The following NCOR1 variants were observed in gnomAD, a reference collection of about 807,000 sequenced individuals.
The protein encoded by NCOR1 is protein phosphatase 1, regulatory subunit 109.
Under a neutral mutation model 288.1 loss-of-function variants are expected in NCOR1, and 63 were observed. That is an observed-to-expected ratio of 0.22 (90% CI 0.18 to 0.27). The LOEUF (loss-of-function observed/expected upper bound fraction) is 0.27. NCOR1 is among the 10% of genes least tolerant of loss of function. The pLI is 1.00. For missense variants in NCOR1, 2,397 were observed against 3,019.2 expected (o/e 0.79, Z 4.83); for synonymous variants, 1,007 against 1,065.9 (o/e 0.94, Z 1.08).
intron 22 of NCOR1, among the ~76,000 whole-genome samples, chr17:16,088,788 G>T (rs192850111): frequency 6.6e-6 from 1 of 152,144 alleles, no homozygotes; most frequent in South Asian, 2.1e-4. Flanking sequence ...GTCTACCAGC[G>T]ATTTTTTTAA....
chr17:16,109,235 A>C (rs1056051190), intron 18 of NCOR1, among the ~76,000 whole-genome samples: 5 of 151,990 alleles, frequency 3.3e-5, no homozygotes, highest in African/African-American at 1.2e-4. Flanking sequence ...ATGTTATCTA[A>C]TAAAAACAAT....
chr17:16,141,336 G>A (rs1420777329), intron 11 of NCOR1, among the ~76,000 whole-genome samples: 1 of 152,116 alleles, frequency 6.6e-6, no homozygotes, highest in Non-Finnish European at 1.5e-5. Context: ...TTTGGGAAAG[G>A]AGAATATCAG....
intron 44 of NCOR1, among the ~76,000 whole-genome samples, chr17:16,037,757 G>A (rs1348199921): frequency 6.6e-6 from 1 of 152,160 alleles, no homozygotes; most frequent in Non-Finnish European, 1.5e-5. Flanking sequence ...AGCAAGTTTT[G>A]GTAGCCCTTT....
intron 26 of NCOR1, among the ~76,000 whole-genome samples, chr17:16,077,265 C>T (rs1348953927): frequency 4.5e-5 from 6 of 132,496 alleles, no homozygotes; most frequent in East Asian, 2.0e-4. Context: ...GGCACGGCTG[C>T]GCACACCTGT....
At chr17:16,039,773 A>C in intron 43 of NCOR1, 119 bp from the exon 44 acceptor site, 1 of 833,608 alleles carries the variant, frequency 1.2e-6, no homozygotes, top group Non-Finnish European at 1.9e-6. Context: ...CTAGAACAAT[A>C]CCAGGACCCA....
At chr17:16,120,372 A>G (rs929828800) in intron 16 of NCOR1, among the ~76,000 whole-genome samples, 1 of 152,036 alleles carries the variant, frequency 6.6e-6, no homozygotes, top group African/African-American at 2.4e-5. Flanking sequence ...TACATTTCAA[A>G]CAAGGCCCAT....
intron 32 of NCOR1, among the ~76,000 whole-genome samples, chr17:16,067,498 GACTT>G (rs1394885760): frequency 2.4e-4 from 37 of 152,188 alleles, no homozygotes; most frequent in Non-Finnish European, 2.9e-5. Flanking sequence ...AAGACAGTGA[GACTT>G]AATCACTTGT....
At position 16,152,002 on chromosome 17, in the gene NCOR1, TA is replaced by T; in HGVS notation, c.790-5del. The T allele has an allele frequency of 1.3e-6, 2 of 1,572,788 alleles. No individual in the cohort carries two copies. Among genetic ancestry groups the T allele is most frequent in the Non-Finnish European group, 8.6e-7 (1 of 1,156,334 alleles). On this transcript the variant is annotated splice_region_variant and splice_polypyrimidine_tract_variant and intron_variant, in intron 7 of 45. Transcript: ENST00000268712. ...CTGATGGCTGGTTATACAGTGGCTA[TA>T]AAAGAAATCAAATATTTATGTATAA... is the stretch of plus-strand genomic sequence containing the variant.
At chr17:16,127,375 A>G (rs190054158) in intron 14 of NCOR1, among the ~76,000 whole-genome samples, 1,393 of 127,348 alleles carry the variant, frequency 0.011, 431 homozygotes, top group Admixed American at 0.051. Flanking sequence ...ACATGTATGT[A>G]TATATGTATG....
At chr17:16,171,716 G>T (rs2083173051) in intron 4 of NCOR1, 87 bp downstream of exon 4, 1 of 1,221,736 alleles carries the variant, frequency 8.2e-7, no homozygotes, top group Non-Finnish European at 1.1e-6. Flanking sequence ...TGGTGTAACT[G>T]GACTTTCTTT....
chr17:16,158,985 T>C (rs775209393), intron 5 of NCOR1, 112 bp from the exon 6 acceptor site: 3 of 577,392 alleles, frequency 5.2e-6, no homozygotes, highest in Non-Finnish European at 9.0e-6. Flanking sequence ...TTCTGTAGGG[T>C]AACCAATTAA....
chr17:16,067,547 G>A (rs1241745038), intron 32 of NCOR1, among the ~76,000 whole-genome samples: 1 of 152,168 alleles, frequency 6.6e-6, no homozygotes, highest in Non-Finnish European at 1.5e-5. Flanking sequence ...TCAGAGTTCT[G>A]GTAAATGAAC....
At chr17:16,176,376 C>T (rs1418039030) in intron 3 of NCOR1, among the ~76,000 whole-genome samples, 1 of 152,114 alleles carries the variant, frequency 6.6e-6, no homozygotes, top group Non-Finnish European at 1.5e-5. Context: ...TCAAGAGAGC[C>T]TCCTGCCTCA....
intron 18 of NCOR1, among the ~76,000 whole-genome samples, chr17:16,109,732 C>T (rs1295916878): frequency 9.7e-6 from 1 of 102,972 alleles, no homozygotes; most frequent in Non-Finnish European, 2.0e-5. Flanking sequence ...CTTTTTACCA[C>T]TCAATTTATT....
At chr17:16,139,652 C>T (rs567728864) in intron 11 of NCOR1, among the ~76,000 whole-genome samples, 3 of 152,032 alleles carry the variant, frequency 2.0e-5, no homozygotes, top group Admixed American at 6.6e-5. Context: ...TTTAAGTCAG[C>T]GATTTTAAAT....
At chr17:16,153,311 AT>A (rs2153389694) in intron 7 of NCOR1, 27 bp downstream of exon 7, 1 of 1,506,860 alleles carries the variant, frequency 6.6e-7, no homozygotes, top group Non-Finnish European at 9.0e-7. Flanking sequence ...AAAAAAAAAA[AT>A]CACTGGAAAT....
intron 1 of NCOR1, among the ~76,000 whole-genome samples, chr17:16,201,094 A>G (rs2090737376): frequency 6.6e-6 from 1 of 152,222 alleles, no homozygotes. Flanking sequence ...CCTTTTGGTT[A>G]AGATCCAATC....
intron 22 of NCOR1, among the ~76,000 whole-genome samples, chr17:16,088,922 T>C (rs1026552992): frequency 6.6e-6 from 1 of 152,120 alleles, no homozygotes; most frequent in African/African-American, 2.4e-5. Context: ...TTTTCCTTCT[T>C]TGACATATTA....
At chr17:16,159,204 G>A (rs958567288) in intron 5 of NCOR1, among the ~76,000 whole-genome samples, 6 of 151,868 alleles carry the variant, frequency 4.0e-5, no homozygotes, top group East Asian at 1.9e-4. Flanking sequence ...ACCTGAGGTC[G>A]GGAGTTCGAG....
Sources: gnomAD v4.1 joint callset for allele counts (sites outside exome capture counted in the v4.1 genomes callset) on GRCh38, gnomAD v4.1.1 for gene constraint, MANE v1.5 for transcripts, NCBI Gene and HGNC (gene_info 2026-07-23, HGNC 2026-07-21) for gene names.